SLC23A2: variants seen among roughly 807,000 people sequenced by gnomAD.
The protein encoded by SLC23A2 is Na(+)/L-ascorbic acid transporter 2.
SLC23A2 carries 36 observed loss-of-function variants against 73.3 expected under a neutral mutation model. The ratio of observed to expected loss-of-function variants is 0.49; its 90% CI spans 0.38 to 0.65. The LOEUF (loss-of-function observed/expected upper bound fraction) is 0.65. Ranked by LOEUF, SLC23A2 falls within the 30% of genes least tolerant of loss-of-function variation. SLC23A2 has a pLI of 0.00. For missense variants in SLC23A2, 507 were observed against 841.6 expected (o/e 0.60, Z 4.92); for synonymous variants, 343 against 327.3 (o/e 1.05, Z -0.52).
chr20:4,900,183 T>C (rs1261314931), intron 5 of SLC23A2, among the ~76,000 whole-genome samples: 1 of 152,232 alleles, frequency 6.6e-6, no homozygotes, highest in Non-Finnish European at 1.5e-5. Flanking sequence ...CATTTCTCCT[T>C]TTCATTACAT....
At position 4,852,373 on chromosome 20, in the gene SLC23A2, T is replaced by G. The variant is rs1929560396; in HGVS notation, c.*4599A>C. ...AGAGCAAAACTGTGTCCAGGAGAGC[T>G]TTTATTTGTACGGAACAGTTTTAAA... On this transcript the variant is annotated 3_prime_UTR_variant, in exon 17 of 17. Coordinates refer to ENST00000338244, the MANE Select transcript of SLC23A2 (RefSeq NM_005116.6). This position sits in a 1 kb window ranked among gnomAD's most constrained non-coding sequence, Gnocchi z 4.3. The G allele has an allele frequency of 6.6e-6, 1 of 152,552 alleles. No homozygotes were observed. The highest frequency in any genetic ancestry group is 2.4e-5 in the African/African-American group (1 of 41,460). 9.4% of individuals were successfully genotyped at this position (152,552 alleles called of 1,614,324 possible). A position where few individuals can be genotyped will look rare whatever the true frequency, so the allele number is the denominator to read the frequency against.
intron 3 of SLC23A2, among the ~76,000 whole-genome samples, chr20:4,926,774 C>A (rs1237919288): frequency 6.6e-6 from 1 of 151,924 alleles, no homozygotes; most frequent in Non-Finnish European, 1.5e-5. Context: ...TGGATTTGTT[C>A]TTTTTCTTTG....
chr20:4,987,558 A>T (rs1284415654), intron 1 of SLC23A2, among the ~76,000 whole-genome samples: 2 of 152,164 alleles, frequency 1.3e-5, no homozygotes, highest in African/African-American at 4.8e-5. Flanking sequence ...GCTAAAAAAA[A>T]CACTATGTGG....
chr20:4,924,101 C>A (rs1932587801), intron 3 of SLC23A2, among the ~76,000 whole-genome samples: 2 of 152,162 alleles, frequency 1.3e-5, no homozygotes, highest in Admixed American at 1.3e-4. Context: ...CAGCTCTGAG[C>A]CGCATCGCCA....
rs569543915 is a variant in SLC23A2 at position 4,931,560 on chromosome 20, C to A, written c.108+895G>T. The stretch of plus-strand genomic sequence containing the variant: ...TCACTTGAGCCCTGGAGTTCAAGAC[C>A]AGACTACGCAACACAGTGAGACCCC... On this transcript the variant is annotated intron_variant, in intron 3 of 16. Transcript: ENST00000338244. Among the ~76,000 whole-genome samples the A allele has an allele frequency of 2.6e-4, 39 of 152,194 alleles. No individual in the cohort carries two copies. The South Asian group carries it at 7.3e-3, about 28-fold the overall frequency.
At chr20:5,004,742 G>C (rs944472283), upstream of SLC23A2, among the ~76,000 whole-genome samples, 1 of 152,198 alleles carries the variant, frequency 6.6e-6, no homozygotes, top group Non-Finnish European at 1.5e-5. Context: ...GCTCACGCCT[G>C]TAATCCCAGC....
chr20:4,976,908 G>A (rs993673021), intron 1 of SLC23A2, among the ~76,000 whole-genome samples: 1 of 151,938 alleles, frequency 6.6e-6, no homozygotes, highest in Non-Finnish European at 1.5e-5. Flanking sequence ...TCAGGGGGGC[G>A]GAGGTTGCAG....
intron 3 of SLC23A2, among the ~76,000 whole-genome samples, chr20:4,918,602 C>T (rs2122908515): frequency 6.6e-6 from 1 of 152,222 alleles, no homozygotes; most frequent in African/African-American, 2.4e-5. Flanking sequence ...TGACAGAAGT[C>T]ATTGCCTAGA....
rs1287000017 is a variant in SLC23A2 at position 4,902,072 on chromosome 20, T to C, written c.324+370A>G. ...TGTCAACCAGGCTGAAGTGGAGTGG[T>C]GTGATCACAGCTCACTGCAACCTCA... On this transcript the variant is annotated intron_variant, in intron 5 of 16. Coordinates refer to ENST00000338244, the MANE Select transcript of SLC23A2 (RefSeq NM_005116.6). This position sits in a 1 kb window ranked among gnomAD's most constrained non-coding sequence, Gnocchi z 4.0. Among the ~76,000 whole-genome samples, 1 of 152,138 alleles carries C rather than the reference T, an allele frequency of 6.6e-6. No homozygotes were observed. The highest frequency in any genetic ancestry group is 2.4e-5 in the African/African-American group (1 of 41,432).
intron 9 of SLC23A2, among the ~76,000 whole-genome samples, chr20:4,880,827 T>C (rs949550208): frequency 1.3e-5 from 2 of 151,872 alleles, no homozygotes; most frequent in East Asian, 3.9e-4. Flanking sequence ...CTCCAGACAT[T>C]GGAACAGTAA....
chr20:4,873,344 C>T (rs1930524983), intron 11 of SLC23A2, among the ~76,000 whole-genome samples: 1 of 152,170 alleles, frequency 6.6e-6, no homozygotes, highest in African/African-American at 2.4e-5. Flanking sequence ...GGATCACCTA[C>T]ACGGGGCCAG....
At position 4,869,959 on chromosome 20, in the gene SLC23A2, G is replaced by A. The variant is rs768469523; in HGVS notation, c.1197C>T (p.Tyr399=). The A allele has an allele frequency of 3.7e-6, 6 of 1,613,724 alleles. No homozygotes were observed. The highest frequency in any genetic ancestry group is 1.1e-5 in the South Asian group (1 of 91,072). ...ASIIESIGDY[Y]ACARLSCAPP... Reference sequence around the variant, plus strand: ...GGGCACAGGACAGCCGTGCACAGGCGTAGTAGTCACCAATAGACTCGATGA... The same window carrying A: ...GGGCACAGGACAGCCGTGCACAGGCATAGTAGTCACCAATAGACTCGATGA... Residue 399 remains tyrosine (Y), a synonymous_variant, in exon 12 of 17, where the codon TAC becomes TAT. Transcript: ENST00000338244.
intron 2 of SLC23A2, among the ~76,000 whole-genome samples, chr20:4,957,320 G>A (rs1401580922): frequency 1.3e-5 from 2 of 151,790 alleles, no homozygotes; most frequent in Admixed American, 6.6e-5. Context: ...TAATTACCTG[G>A]GCATGGTGAG....
intron 9 of SLC23A2, among the ~76,000 whole-genome samples, chr20:4,881,460 T>C (rs758260904): frequency 6.6e-6 from 1 of 152,170 alleles, no homozygotes; most frequent in Non-Finnish European, 1.5e-5. Flanking sequence ...AAAACCACTA[T>C]TTTCTTACTT....
chr20:4,917,524 AGGG>A (rs1932366265), intron 3 of SLC23A2, among the ~76,000 whole-genome samples: 1 of 152,158 alleles, frequency 6.6e-6, no homozygotes, highest in Non-Finnish European at 1.5e-5. Flanking sequence ...GGCAGGAGGT[AGGG>A]GTGGAATGTT....
At chr20:5,004,172 T>A (rs1308469859), upstream of SLC23A2, among the ~76,000 whole-genome samples, 1 of 152,240 alleles carries the variant, frequency 6.6e-6, no homozygotes, top group Non-Finnish European at 1.5e-5. Flanking sequence ...TTGAACAACC[T>A]GCCCTGAATA....
chr20:4,970,101 C>T (rs999448792), intron 2 of SLC23A2, among the ~76,000 whole-genome samples: 3 of 151,992 alleles, frequency 2.0e-5, no homozygotes, highest in African/African-American at 7.2e-5. Context: ...ACTCCAGGTT[C>T]CTCACGTATA....
At chr20:4,981,379 G>C (rs1445837782) in intron 1 of SLC23A2, among the ~76,000 whole-genome samples, 1 of 152,136 alleles carries the variant, frequency 6.6e-6, no homozygotes, top group Non-Finnish European at 1.5e-5. Context: ...CTATGAAAAG[G>C]CTTTAAAAGC....
At position 4,892,072 on chromosome 20, in the gene SLC23A2, T is replaced by G. The variant is rs566535427; in HGVS notation, c.483-6163A>C. Reference sequence around the variant, plus strand: ...TCCTGCTCACTAACAGTCTTATGGTTAGTTTACCATTGAGGAAACAGGGCT... The same window carrying G: ...TCCTGCTCACTAACAGTCTTATGGTGAGTTTACCATTGAGGAAACAGGGCT... On this transcript the variant is annotated intron_variant, in intron 6 of 16. Transcript: ENST00000338244. Among the ~76,000 whole-genome samples the G allele has an allele frequency of 2.0e-5, 3 of 152,100 alleles. No homozygotes were observed. The South Asian group carries it at 6.2e-4, about 32-fold the overall frequency.
Sources: allele counts gnomAD v4.1 joint callset (sites outside exome capture counted in the v4.1 genomes callset), GRCh38; gene constraint gnomAD v4.1.1; non-coding constraint Gnocchi (gnomAD v3.1); transcripts MANE v1.5; gene names NCBI Gene and HGNC (gene_info 2026-07-23, HGNC 2026-07-21).